Variants in SPPL2A observed in about 807,000 individuals in gnomAD.
SPPL2A encodes signal peptide peptidase like 2A.
A neutral mutation model predicts 63.8 loss-of-function variants in SPPL2A; 51 were observed. The observed-to-expected ratio is 0.80, with a 90% CI of 0.64 to 1.01. The LOEUF is 1.01. Among genes scored for constraint, SPPL2A ranks in the 50% least tolerant of loss-of-function variants. The pLI is 0.00. For missense variants in SPPL2A, 553 were observed against 622.7 expected, an observed-to-expected ratio of 0.89 and a Z score of 1.19; for synonymous variants, 188 against 205.8, an observed-to-expected ratio of 0.91 and a Z score of 0.74.
chr15:50,723,352 C>G (rs1192681015), intron 12 of SPPL2A, among the ~76,000 whole-genome samples: 2 of 152,174 alleles, frequency 1.3e-5, no homozygotes, highest in Non-Finnish European at 1.5e-5. Context: ...GAGATATTTG[C>G]ATTCCCATAT....
At chr15:50,716,575 T>G (rs890602864) in intron 14 of SPPL2A, among the ~76,000 whole-genome samples, 1 of 152,230 alleles carries the variant, frequency 6.6e-6, no homozygotes, top group African/African-American at 2.4e-5. Context: ...AAAAATAAAT[T>G]CTGACAATGA....
In SPPL2A at chr15:50,728,548, A is replaced by G. The variant is rs370561059; in HGVS notation, c.1090-2171T>C. Among the ~76,000 whole-genome samples the G allele has an allele frequency of 1.4e-4, 22 of 151,900 alleles. 1 individual carries two copies. Among genetic ancestry groups the G allele is most frequent in the South Asian group, 4.2e-4 (2 of 4,812 alleles). ...TTTTTAGTAGAGACGGGGTTTCACCATGTTAGCCAGGATGGTCTCAATCTC... is the reference window on the plus strand; with the variant it reads ...TTTTTAGTAGAGACGGGGTTTCACCGTGTTAGCCAGGATGGTCTCAATCTC... On this transcript the variant is annotated intron_variant, in intron 10 of 14. Transcript: ENST00000261854.
chr15:50,732,490 T>G, intron 9 of SPPL2A, 113 bp downstream of exon 9: 1 of 626,322 alleles, frequency 1.6e-6, no homozygotes, highest in East Asian at 2.8e-5. Flanking sequence ...TCATAAAATT[T>G]TCATAAACAG....
rs2062488853 is a variant in SPPL2A, at chr15:50,703,343, TATACA to T, written c.*4452_*4456del. On this transcript the variant is annotated 3_prime_UTR_variant, in exon 15 of 15. Coordinates refer to ENST00000261854, the MANE Select transcript of SPPL2A (RefSeq NM_032802.4). ...ATATATACATATATATATATATATATATACATATATATATTTTTTTTTTTTTTTTT... is the reference window on the plus strand; with the variant it reads ...ATATATACATATATATATATATATATTATATATATTTTTTTTTTTTTTTTT... 1 of 90,266 alleles carries T rather than the reference TATACA, an allele frequency of 1.1e-5. No homozygotes were observed. Among genetic ancestry groups the T allele is most frequent in the African/African-American group, 4.0e-5 (1 of 24,910 alleles). The allele number at this position is 90,266 out of a possible 1,614,324, so 5.6% of individuals were successfully genotyped here.
chr15:50,747,795 T>A (rs536241159), intron 4 of SPPL2A, among the ~76,000 whole-genome samples, 167 bp from the exon 5 acceptor site: 1 of 152,370 alleles, frequency 6.6e-6, no homozygotes, highest in Non-Finnish European at 1.5e-5. Flanking sequence ...AAAAGTATGA[T>A]GATATGCTTT....
intron 11 of SPPL2A, chr15:50,725,905 CTT>C: frequency 9.9e-6 from 3 of 301,940 alleles, no homozygotes; most frequent in Non-Finnish European, 1.3e-5. Flanking sequence ...CACATTTAAC[CTT>C]TTTTTTTTCT....
chr15:50,714,253 G>A (rs955482527), intron 14 of SPPL2A, among the ~76,000 whole-genome samples: 1 of 152,216 alleles, frequency 6.6e-6, no homozygotes, highest in African/African-American at 2.4e-5. Context: ...AGCTCCTGAT[G>A]TCTGCCCTCC....
At chr15:50,755,449 C>A (rs995801104) in intron 1 of SPPL2A, among the ~76,000 whole-genome samples, 1 of 151,640 alleles carries the variant, frequency 6.6e-6, no homozygotes, top group African/African-American at 2.4e-5. Flanking sequence ...GGAGAGATCT[C>A]GTTTCTACAA....
intron 12 of SPPL2A, among the ~76,000 whole-genome samples, 168 bp downstream of exon 12, chr15:50,725,053 G>C (rs1020007481): frequency 6.6e-6 from 1 of 152,126 alleles, no homozygotes; most frequent in African/African-American, 2.4e-5. Context: ...TACCATTTGG[G>C]CTTTACCTTC....
At chr15:50,762,117 C>T (rs945834255) in intron 1 of SPPL2A, among the ~76,000 whole-genome samples, 5 of 150,630 alleles carry the variant, frequency 3.3e-5, no homozygotes, top group Non-Finnish European at 5.9e-5. Flanking sequence ...TCTGTAATCC[C>T]AGCACTTTGG....
At chr15:50,752,641 C>T (rs1442600898) in intron 1 of SPPL2A, among the ~76,000 whole-genome samples, 1 of 151,486 alleles carries the variant, frequency 6.6e-6, no homozygotes, top group Non-Finnish European at 1.5e-5. Flanking sequence ...TTGCTTGAAC[C>T]TGGGTAGTGG....
chr15:50,708,774 C>T (rs998239375), intron 14 of SPPL2A, among the ~76,000 whole-genome samples: 6 of 151,950 alleles, frequency 3.9e-5, no homozygotes, highest in Non-Finnish European at 8.8e-5. Flanking sequence ...TGGCTCATGC[C>T]TGTAATCCCA....
intron 5 of SPPL2A, among the ~76,000 whole-genome samples, chr15:50,743,611 T>A (rs2062838070): frequency 6.6e-6 from 1 of 152,066 alleles, no homozygotes; most frequent in Non-Finnish European, 1.5e-5. Context: ...CCTTCCAAAG[T>A]GCTGGGATTA....
At chr15:50,712,703 G>A (rs2062569592) in intron 14 of SPPL2A, among the ~76,000 whole-genome samples, 4 of 122,812 alleles carry the variant, frequency 3.3e-5, no homozygotes, top group Admixed American at 2.1e-4. Context: ...TTCTCGAGGC[G>A]GAGTCTTGCT....
At chr15:50,722,060 A>G in intron 13 of SPPL2A, 64 bp downstream of exon 13, 2 of 893,624 alleles carry the variant, frequency 2.2e-6, no homozygotes, top group South Asian at 2.7e-5. Flanking sequence ...TTATTTTTAG[A>G]CCTCTGTCTT....
rs561541138 is a variant in SPPL2A at position 50,709,959 on chromosome 15, A to G, written c.1489-2085T>C. ...AAAAAAACAAAAGCCAAATCAAGAC[A>G]GATAACATTAAGCAGTTCACTACAT... is the stretch of plus-strand genomic sequence containing the variant. On this transcript the variant is annotated intron_variant, in intron 14 of 14. Coordinates refer to ENST00000261854, the MANE Select transcript of SPPL2A (RefSeq NM_032802.4). Among the ~76,000 whole-genome samples, 8 of 152,344 alleles carry G rather than the reference A, an allele frequency of 5.3e-5. No individual in the cohort carries two copies. In the South Asian group the frequency reaches 1.4e-3, roughly 28 times the overall value.
intron 1 of SPPL2A, among the ~76,000 whole-genome samples, chr15:50,750,373 C>T (rs1468857785): frequency 2.0e-5 from 3 of 152,258 alleles, no homozygotes; most frequent in South Asian, 4.1e-4. Flanking sequence ...AACCACCGCA[C>T]CTGGCCATTG....
At chr15:50,745,471 G>C (rs983733802) in intron 5 of SPPL2A, among the ~76,000 whole-genome samples, 8 of 151,712 alleles carry the variant, frequency 5.3e-5, no homozygotes, top group Non-Finnish European at 8.8e-5. Context: ...TCACTATGTT[G>C]CCCAGGCTGA....
chr15:50,735,539 A>T (rs1244840227), intron 8 of SPPL2A, among the ~76,000 whole-genome samples: 1 of 115,756 alleles, frequency 8.6e-6, no homozygotes, highest in African/African-American at 3.2e-5. Flanking sequence ...ACACACATAT[A>T]TACATACACA....
Sources: allele counts gnomAD v4.1 joint callset (sites outside exome capture counted in the v4.1 genomes callset), GRCh38; gene constraint gnomAD v4.1.1; transcripts MANE v1.5; gene names NCBI Gene and HGNC (gene_info 2026-07-23, HGNC 2026-07-21).